The following EPS8 variants were observed in gnomAD, a reference collection of about 807,000 sequenced individuals.
The protein encoded by EPS8 is EGFR pathway substrate 8, signaling adaptor.
EPS8 carries 42 observed loss-of-function variants against 103.8 expected under a neutral mutation model. The observed-to-expected ratio is 0.40, with a 90% confidence interval of 0.32 to 0.52. The LOEUF is 0.52. Among genes scored for constraint, EPS8 ranks in the 20% least tolerant of loss-of-function variants. The probability of loss-of-function intolerance (pLI) is 0.40; values close to 1 mark genes in which losing one functional copy is unlikely to be tolerated. For synonymous variants in EPS8, 344 were observed against 344.6 expected (o/e 1.00, Z 0.02); for missense variants, 969 against 1,005.1 (o/e 0.96, Z 0.49).
chr12:15,629,446 A>C (rs1195020894), intron 18 of EPS8, among the ~76,000 whole-genome samples: 2 of 152,252 alleles, frequency 1.3e-5, no homozygotes, highest in African/African-American at 4.8e-5. Context: ...AGTCATTTCT[A>C]AGAGGAAGTT....
chr12:15,634,647 C>A (rs2135738831), intron 17 of EPS8: 1 of 397,910 alleles, frequency 2.5e-6, no homozygotes, highest in East Asian at 3.6e-5. Flanking sequence ...AAACTAAGCA[C>A]AGCTGGAACA....
intron 1 of EPS8, among the ~76,000 whole-genome samples, chr12:15,729,221 G>A (rs1394275765): frequency 1.3e-5 from 2 of 152,148 alleles, no homozygotes; most frequent in African/African-American, 2.4e-5. Context: ...ATGCCTGTCT[G>A]TAGATTTTTT....
rs1946901483 is a variant in EPS8, at chr12:15,748,832, C to T, written c.-22+40329G>A. On this transcript the variant is annotated intron_variant, in intron 1 of 20. Coordinates refer to ENST00000281172, the MANE Select transcript of EPS8 (RefSeq NM_004447.6). This position sits in a 1 kb window ranked among gnomAD's most constrained non-coding sequence, Gnocchi z 4.8. ...ACATCCATTGCCTAGCCCCGCCTCA[C>T]CAAAAAAAGCCTATCTGGTTTCCTA... 6.6e-6 allele frequency among the ~76,000 whole-genome samples: 1 copy of T among 152,060 alleles called. No homozygotes were observed. Among genetic ancestry groups the T allele is most frequent in the African/African-American group, 2.4e-5 (1 of 41,404 alleles).
At chr12:15,669,243 T>C (rs1945769192) in intron 6 of EPS8, 144 bp downstream of exon 6, 2 of 629,388 alleles carry the variant, frequency 3.2e-6, no homozygotes, top group East Asian at 2.9e-5. Flanking sequence ...CTAGAGAAGA[T>C]ACTAAGGTAT....
chr12:15,754,142 C>T (rs1043381083), intron 1 of EPS8, among the ~76,000 whole-genome samples: 2 of 151,916 alleles, frequency 1.3e-5, no homozygotes, highest in Admixed American at 6.6e-5. Flanking sequence ...TTCTCCTTGG[C>T]ATGAATTCTC....
intron 3 of EPS8, among the ~76,000 whole-genome samples, chr12:15,677,663 T>G (rs1414349569): frequency 6.6e-6 from 1 of 152,220 alleles, no homozygotes; most frequent in African/African-American, 2.4e-5. Context: ...AATTATATCA[T>G]AAATCTCTTC....
Position 15,738,780 on chromosome 12 carries a change from G to T in EPS8, c.-22+50381C>A, listed in dbSNP as rs528660044. ...TAATACCAGCAGCTACAAAGTCCTG[G>T]CAATAGCAGGTGCTTAATAAATGTT... is the stretch of plus-strand genomic sequence containing the variant. On this transcript the variant is annotated intron_variant, in intron 1 of 20. Coordinates refer to ENST00000281172, the MANE Select transcript of EPS8 (RefSeq NM_004447.6). This position sits in a 1 kb window ranked among gnomAD's most constrained non-coding sequence, Gnocchi z 6.2. 6.6e-6 allele frequency among the ~76,000 whole-genome samples: 1 copy of T among 152,194 alleles called. No individual in the cohort carries two copies. The highest frequency in any genetic ancestry group is 2.1e-4 in the South Asian group (1 of 4,816).
chr12:15,645,585 C>G (rs779374932), intron 15 of EPS8, among the ~76,000 whole-genome samples: 3 of 152,054 alleles, frequency 2.0e-5, no homozygotes, highest in Non-Finnish European at 2.9e-5. Flanking sequence ...CCCTGATATT[C>G]TATAAAGATC....
intron 3 of EPS8, among the ~76,000 whole-genome samples, chr12:15,672,274 T>C (rs1945830664): frequency 6.6e-6 from 1 of 152,196 alleles, no homozygotes. Context: ...GAAAACTTAA[T>C]AAATTTTCAT....
At chr12:15,665,232 ACT>A (rs1945686178) in intron 8 of EPS8, 1 of 152,096 alleles carries the variant, frequency 6.6e-6, no homozygotes, top group African/African-American at 2.4e-5. Flanking sequence ...AAATAAAAAG[ACT>A]CTAACCCTAA....
At chr12:15,635,167 T>C (rs1009525678) in intron 17 of EPS8, among the ~76,000 whole-genome samples, 1 of 152,198 alleles carries the variant, frequency 6.6e-6, no homozygotes, top group Admixed American at 6.5e-5. Context: ...TATCGTGTGA[T>C]TGTAATGAGC....
chr12:15,673,729 T>C (rs10744094), intron 3 of EPS8, among the ~76,000 whole-genome samples: 130,688 of 152,220 alleles, frequency 0.86, 59,528 homozygotes, highest in Non-Finnish European at 1. Context: ...AAATGGTATA[T>C]TAAATAATAA....
intron 12 of EPS8, among the ~76,000 whole-genome samples, chr12:15,655,351 C>T (rs146478655): frequency 2.6e-5 from 4 of 152,290 alleles, no homozygotes; most frequent in African/African-American, 9.6e-5. Context: ...ATTAGTAACA[C>T]CCTACACTAT....
intron 3 of EPS8, among the ~76,000 whole-genome samples, chr12:15,676,215 G>A (rs1945903718): frequency 7.0e-6 from 1 of 141,886 alleles, no homozygotes; most frequent in Non-Finnish European, 1.5e-5. Context: ...AGCCGAGATT[G>A]CGCCACTGCA....
rs562231844 is a variant in EPS8, at chr12:15,647,735, T to A, written c.1435-475A>T. 1.1e-4 allele frequency among the ~76,000 whole-genome samples: 17 copies of A among 152,318 alleles called. No individual in the cohort carries two copies. The South Asian group carries it at 3.5e-3, about 32-fold the overall frequency. On this transcript the variant is annotated intron_variant, in intron 14 of 20. Coordinates refer to ENST00000281172, the MANE Select transcript of EPS8 (RefSeq NM_004447.6). The stretch of plus-strand genomic sequence containing the variant: ...GATAAGAGAATGCTAGAGTCACTTC[T>A]CTTTTGCAGTTAAGATAATTCAGAC...
chr12:15,776,000 G>T (rs1947203457), intron 1 of EPS8, among the ~76,000 whole-genome samples: 1 of 152,090 alleles, frequency 6.6e-6, no homozygotes, highest in Admixed American at 6.6e-5. Flanking sequence ...AAGCTGAAAT[G>T]AATCAAACCA....
In EPS8 at chr12:15,688,567, G is replaced by A. The variant is rs1325934471; in HGVS notation, c.-21-5595C>T. On this transcript the variant is annotated intron_variant, in intron 1 of 20. Transcript: ENST00000281172. This position sits in a 1 kb window ranked among gnomAD's most constrained non-coding sequence, Gnocchi z 5.1. ...AGCTGGACATTGAGAGGGGCACATC[G>A]GCAGAGGAACACACCAACAGGCACT... 1.3e-5 allele frequency among the ~76,000 whole-genome samples: 2 copies of A among 152,062 alleles called. No homozygotes were observed. Among genetic ancestry groups the A allele is most frequent in the African/African-American group, 2.4e-5 (1 of 41,402 alleles).
At chr12:15,705,252 T>A (rs188537017) in intron 1 of EPS8, among the ~76,000 whole-genome samples, 10 of 152,336 alleles carry the variant, frequency 6.6e-5, no homozygotes, top group Non-Finnish European at 1.0e-4. Flanking sequence ...TACACACTGA[T>A]CTCAGTCTAC....
intron 17 of EPS8, among the ~76,000 whole-genome samples, chr12:15,640,455 A>G (rs1005874821): frequency 6.6e-6 from 1 of 152,190 alleles, no homozygotes; most frequent in East Asian, 1.9e-4. Flanking sequence ...TGGGGAAAAA[A>G]AGCATTCAGA....
Sources: gnomAD v4.1 joint callset for allele counts (sites outside exome capture counted in the v4.1 genomes callset) on GRCh38, gnomAD v4.1.1 for gene constraint, Gnocchi (gnomAD v3.1) non-coding constraint, MANE v1.5 for transcripts, NCBI Gene and HGNC (gene_info 2026-07-23, HGNC 2026-07-21) for gene names.